The following CDK6 variants were observed in gnomAD, a reference collection of about 807,000 sequenced individuals.
The protein encoded by CDK6 is cyclin dependent kinase 6, also known as cyclin-dependent kinase 6.
Under a neutral mutation model 37.1 loss-of-function variants are expected in CDK6, and 6 were observed. The ratio of observed to expected loss-of-function variants is 0.16; its 90% CI spans 0.09 to 0.32. CDK6 has a LOEUF of 0.32. Ranked by LOEUF, CDK6 falls within the 10% of genes least tolerant of loss-of-function variation. CDK6 has a pLI of 1.00. For missense variants in CDK6, 224 were observed against 418.9 expected, an observed-to-expected ratio of 0.53 and a Z score of 4.06; for synonymous variants, 160 against 161.3, an observed-to-expected ratio of 0.99 and a Z score of 0.06.
chr7:92,671,920 A>T (rs548898559), intron 4 of CDK6, among the ~76,000 whole-genome samples: 1 of 151,726 alleles, frequency 6.6e-6, no homozygotes, highest in South Asian at 2.1e-4. Context: ...CCAGGCCAGC[A>T]TTATTGGCAG....
rs374604179 is a variant in CDK6 at position 92,834,581 on chromosome 7, A to G, written c.-367-891T>C. Among the ~76,000 whole-genome samples, 74 of 150,952 alleles carry G rather than the reference A, an allele frequency of 4.9e-4. No individual in the cohort carries two copies. Among genetic ancestry groups the G allele is most frequent in the African/African-American group, 1.6e-3 (65 of 41,084 alleles). On this transcript the variant is annotated intron_variant, in intron 1 of 7. Coordinates refer to ENST00000424848, the MANE Select transcript of CDK6 (RefSeq NM_001145306.2). The surrounding 1 kb of genome is among the most constrained non-coding windows in gnomAD (Gnocchi z 4.6). ...CCACAATTTCGCTTGTCGTCTCCTTAAAGAATAACTTCAGGAAGGGGATAG... is the reference window on the plus strand; with the variant it reads ...CCACAATTTCGCTTGTCGTCTCCTTGAAGAATAACTTCAGGAAGGGGATAG...
intron 5 of CDK6, among the ~76,000 whole-genome samples, chr7:92,630,531 G>A (rs1165528131): frequency 6.6e-6 from 1 of 152,112 alleles, no homozygotes; most frequent in Non-Finnish European, 1.5e-5. Flanking sequence ...AAATAAATCT[G>A]AGTCAAACTT....
intron 6 of CDK6, among the ~76,000 whole-genome samples, 180 bp downstream of exon 6, chr7:92,622,856 T>C (rs917034479): frequency 6.6e-6 from 1 of 152,100 alleles, no homozygotes; most frequent in Admixed American, 6.6e-5. Flanking sequence ...CAGTTAGGGC[T>C]CTGCATAAAA....
At chr7:92,813,014 A>G (rs1458847735) in intron 2 of CDK6, among the ~76,000 whole-genome samples, 3 of 152,228 alleles carry the variant, frequency 2.0e-5, no homozygotes, top group Admixed American at 6.5e-5. Context: ...TCTTCTAAGT[A>G]AGTTACAACT....
intron 2 of CDK6, among the ~76,000 whole-genome samples, chr7:92,799,058 C>T (rs1800495061): frequency 6.6e-6 from 1 of 152,068 alleles, no homozygotes; most frequent in Non-Finnish European, 1.5e-5. Context: ...AATACACTTC[C>T]CTATTTCCTC....
chr7:92,765,416 A>G (rs906710988), intron 3 of CDK6, among the ~76,000 whole-genome samples: 10 of 152,212 alleles, frequency 6.6e-5, no homozygotes, highest in Non-Finnish European at 1.3e-4. Flanking sequence ...ACCAAGCTAT[A>G]TTCTTAGCTA....
chr7:92,640,583 T>A (rs1796282096), intron 5 of CDK6, among the ~76,000 whole-genome samples: 1 of 152,166 alleles, frequency 6.6e-6, no homozygotes, highest in Admixed American at 6.5e-5. Flanking sequence ...AACCTACAGA[T>A]ACAGGGAAAA....
At chr7:92,622,962 T>G in intron 6 of CDK6, 74 bp downstream of exon 6, 1 of 858,464 alleles carries the variant, frequency 1.2e-6, no homozygotes, top group Non-Finnish European at 1.9e-6. Flanking sequence ...ACACATGATA[T>G]GCATGTCAGA....
At chr7:92,731,708 G>T (rs1368468415) in intron 3 of CDK6, among the ~76,000 whole-genome samples, 2 of 151,684 alleles carry the variant, frequency 1.3e-5, no homozygotes, top group Non-Finnish European at 2.9e-5. Context: ...TGGAAGTGAT[G>T]ATAATGCTGA....
chr7:92,710,636 T>C, intron 4 of CDK6: 6 of 911,420 alleles, frequency 6.6e-6, no homozygotes, highest in Non-Finnish European at 7.9e-6. Context: ...GAAAAAAATC[T>C]GAAGATTCTA....
intron 3 of CDK6, among the ~76,000 whole-genome samples, chr7:92,764,292 C>T (rs1799527725): frequency 6.6e-6 from 1 of 152,120 alleles, no homozygotes; most frequent in Non-Finnish European, 1.5e-5. Flanking sequence ...GTATGCACCA[C>T]AACACCTGGC....
At chr7:92,702,201 T>C (rs1254413237) in intron 4 of CDK6, among the ~76,000 whole-genome samples, 2 of 150,904 alleles carry the variant, frequency 1.3e-5, no homozygotes, top group Admixed American at 6.6e-5. Context: ...ATTAAATATG[T>C]TGCATTATCA....
intron 4 of CDK6, chr7:92,724,915 G>T: frequency 1.7e-6 from 1 of 597,126 alleles, no homozygotes; most frequent in Non-Finnish European, 2.1e-6. Context: ...TTGTATTTGG[G>T]GTGCAGAATT....
chr7:92,610,707 A>G lies in CDK6; in HGVS notation c.*4433T>C, dbSNP rs1795544560. The stretch of plus-strand genomic sequence containing the variant: ...TCTAAGGACTTACATTTCTTGGCAC[A>G]CTTTGGTAGCCTCAATAAGTTTTTC... On this transcript the variant is annotated 3_prime_UTR_variant, in exon 8 of 8. Coordinates refer to ENST00000424848, the MANE Select transcript of CDK6 (RefSeq NM_001145306.2). 4.4e-6 allele frequency: 1 copy of G among 226,982 alleles called. No homozygotes were observed. Among genetic ancestry groups the G allele is most frequent in the Non-Finnish European group, 8.7e-6 (1 of 114,288 alleles). 14.1% of individuals were successfully genotyped at this position (226,982 alleles called of 1,614,324 possible). A position where few individuals can be genotyped will look rare whatever the true frequency, so the allele number is the denominator to read the frequency against.
intron 2 of CDK6, among the ~76,000 whole-genome samples, chr7:92,808,967 T>C (rs1800797294): frequency 6.6e-6 from 1 of 152,152 alleles, no homozygotes; most frequent in African/African-American, 2.4e-5. Context: ...GGGCCAGAAA[T>C]CCTGGCTATT....
At chr7:92,726,303 C>A (rs1270350365) in intron 3 of CDK6, among the ~76,000 whole-genome samples, 2 of 152,136 alleles carry the variant, frequency 1.3e-5, no homozygotes. Context: ...ATCCACACCA[C>A]AACATTTAGG....
chr7:92,641,880 T>A (rs1420001952), intron 5 of CDK6, among the ~76,000 whole-genome samples: 1 of 152,208 alleles, frequency 6.6e-6, no homozygotes, highest in Non-Finnish European at 1.5e-5. Context: ...CAGCCTTAGA[T>A]AAGAAAGGTA....
chr7:92,754,261 CT>C (rs1193296644), intron 3 of CDK6, among the ~76,000 whole-genome samples: 1 of 152,190 alleles, frequency 6.6e-6, no homozygotes, highest in African/African-American at 2.4e-5. Flanking sequence ...ATTCCCTGCA[CT>C]GCATTGTCTT....
intron 3 of CDK6, among the ~76,000 whole-genome samples, chr7:92,757,474 A>G (rs1211927963): frequency 6.6e-6 from 1 of 152,148 alleles, no homozygotes; most frequent in Non-Finnish European, 1.5e-5. Context: ...TTCCTGCAAA[A>G]TACATGATCT....
Sources: allele counts gnomAD v4.1 joint callset (sites outside exome capture counted in the v4.1 genomes callset), GRCh38; gene constraint gnomAD v4.1.1; non-coding constraint Gnocchi (gnomAD v3.1); transcripts MANE v1.5; gene names NCBI Gene and HGNC (gene_info 2026-07-23, HGNC 2026-07-21).